CALCR: variants seen among roughly 807,000 people sequenced by gnomAD.
CALCR encodes the protein calcitonin receptor.
CALCR carries 47 observed loss-of-function variants against 59.5 expected under a neutral mutation model. That is an observed-to-expected ratio of 0.79 (90% CI 0.63 to 1.01). The LOEUF (loss-of-function observed/expected upper bound fraction) is 1.01. CALCR is among the 50% of genes least tolerant of loss of function. The pLI is 0.00. For synonymous variants in CALCR, 213 were observed against 211.3 expected (o/e 1.01, Z -0.07); for missense variants, 566 against 597.1 (o/e 0.95, Z 0.54).
chr7:93,492,613 A>T (rs1235485316), intron 2 of CALCR, among the ~76,000 whole-genome samples: 1 of 151,496 alleles, frequency 6.6e-6, no homozygotes, highest in Non-Finnish European at 1.5e-5. Context: ...GAGGCACTAC[A>T]TGAAATGTAA....
intron 3 of CALCR, 134 bp from the exon 4 acceptor site, chr7:93,479,641 GT>G (rs1017039510): frequency 9.6e-6 from 7 of 726,532 alleles, no homozygotes; most frequent in Non-Finnish European, 1.5e-5. Context: ...TCTATGTACA[GT>G]TTTTTTCATA....
intron 2 of CALCR, among the ~76,000 whole-genome samples, chr7:93,563,181 G>A (rs1388940296): frequency 1.3e-5 from 2 of 152,054 alleles, no homozygotes; most frequent in African/African-American, 4.8e-5. Flanking sequence ...TAGAACACAT[G>A]GAAAAGAGTT....
intron 2 of CALCR, among the ~76,000 whole-genome samples, chr7:93,506,691 A>G (rs1801432959): frequency 6.6e-6 from 1 of 151,182 alleles, no homozygotes; most frequent in Non-Finnish European, 1.5e-5. Flanking sequence ...GGGGCATAAG[A>G]CCAGCAGATT....
At chr7:93,524,767 G>C (rs1381498234) in intron 2 of CALCR, among the ~76,000 whole-genome samples, 1 of 152,068 alleles carries the variant, frequency 6.6e-6, no homozygotes, top group Non-Finnish European at 1.5e-5. Flanking sequence ...TTTGTCTCAA[G>C]TAGCTAATGA....
chr7:93,442,167 T>C (rs1799920360), intron 9 of CALCR, among the ~76,000 whole-genome samples: 1 of 152,144 alleles, frequency 6.6e-6, no homozygotes, highest in Non-Finnish European at 1.5e-5. Context: ...GCTTATCTGC[T>C]CCCAGGCTAC....
intron 2 of CALCR, among the ~76,000 whole-genome samples, chr7:93,535,495 T>C (rs1384690078): frequency 6.6e-6 from 1 of 151,758 alleles, no homozygotes; most frequent in African/African-American, 2.4e-5. Context: ...ACATTATGTA[T>C]GCTAAAGTCT....
intron 8 of CALCR, among the ~76,000 whole-genome samples, chr7:93,451,705 G>C (rs904507749): frequency 4.0e-5 from 6 of 151,862 alleles, no homozygotes; most frequent in African/African-American, 1.5e-4. Context: ...TTGTGGTGTG[G>C]GGCTTGAGAT....
chr7:93,568,518 TC>T, intron 2 of CALCR, among the ~76,000 whole-genome samples: 1 of 47,664 alleles, frequency 2.1e-5, no homozygotes, highest in African/African-American at 6.3e-5. Context: ...TTTCTCTCTC[TC>T]TCTCTCTCTC....
intron 2 of CALCR, among the ~76,000 whole-genome samples, chr7:93,536,015 T>C (rs1408142617): frequency 6.6e-6 from 1 of 151,874 alleles, no homozygotes. Flanking sequence ...TGTATTTATT[T>C]AATGTTATTA....
At chr7:93,483,501 A>T (rs1800852961) in intron 3 of CALCR, among the ~76,000 whole-genome samples, 1 of 123,562 alleles carries the variant, frequency 8.1e-6, no homozygotes, top group Non-Finnish European at 1.7e-5. Flanking sequence ...ATGTATATGT[A>T]TGATTTTATG....
chr7:93,528,413 G>A lies in CALCR; in HGVS notation c.-26-41406C>T, dbSNP rs555482583. ...ATTTACATTAGGTATATCCCCTAAT[G>A]CTATCCCTCCCCTCTTCCCCCAGCC... On this transcript the variant is annotated intron_variant, in intron 2 of 13. Transcript: ENST00000426151. 3.9e-5 allele frequency among the ~76,000 whole-genome samples: 6 copies of A among 152,246 alleles called. No individual in the cohort carries two copies. The East Asian group carries it at 9.7e-4, about 25-fold the overall frequency.
At chr7:93,473,063 C>T (rs926501916) in intron 5 of CALCR, among the ~76,000 whole-genome samples, 2 of 151,744 alleles carry the variant, frequency 1.3e-5, no homozygotes, top group Non-Finnish European at 2.9e-5. Flanking sequence ...TTCTGCCTCT[C>T]AAGAGATTTC....
chr7:93,573,849 C>T (rs919570268), intron 2 of CALCR, among the ~76,000 whole-genome samples: 1 of 152,342 alleles, frequency 6.6e-6, no homozygotes, highest in South Asian at 2.1e-4. Flanking sequence ...CCATTCACTA[C>T]TGTGCTCATT....
At chr7:93,470,278 C>CACAT (rs1161567702) in intron 6 of CALCR, among the ~76,000 whole-genome samples, 1 of 151,636 alleles carries the variant, frequency 6.6e-6, no homozygotes, top group Non-Finnish European at 1.5e-5. Context: ...CACACACACA[C>CACAT]ACACACTCAC....
intron 2 of CALCR, among the ~76,000 whole-genome samples, chr7:93,570,246 T>C (rs1789971054): frequency 6.6e-6 from 1 of 152,024 alleles, no homozygotes; most frequent in South Asian, 2.1e-4. Flanking sequence ...GGGGGAGAAA[T>C]TAAAGATTAG....
intron 9 of CALCR, among the ~76,000 whole-genome samples, chr7:93,439,950 T>C (rs1230411082): frequency 2.0e-5 from 3 of 152,172 alleles, no homozygotes; most frequent in African/African-American, 7.2e-5. Flanking sequence ...GAATAACTAC[T>C]GAAAGAACCA....
intron 8 of CALCR, among the ~76,000 whole-genome samples, chr7:93,445,074 G>A (rs1000258852): frequency 5.3e-5 from 8 of 152,064 alleles, no homozygotes; most frequent in African/African-American, 1.9e-4. Flanking sequence ...GGAGAAGGCA[G>A]ATATGGCATT....
intron 2 of CALCR, among the ~76,000 whole-genome samples, chr7:93,519,987 A>G (rs1298423673): frequency 1.3e-5 from 2 of 152,100 alleles, no homozygotes; most frequent in East Asian, 3.9e-4. Context: ...TTATAGCAGT[A>G]TGAAAATAAA....
In CALCR at chr7:93,479,370, G is replaced by A. The variant is rs774703544; in HGVS notation, c.189C>T (p.Pro63=). 1.7e-5 allele frequency: 28 copies of A among 1,609,584 alleles called. No individual in the cohort carries two copies. Among genetic ancestry groups the A allele is most frequent in the East Asian group, 4.5e-5 (2 of 44,724 alleles). The part of the protein sequence containing the change: ...YKCYDRMQQL[P]AYQGEGPYCN... ...TCTCTTTACCTTCTCCTTGGTATGCGGGTAACTGCTGCATTCGGTCATAGC... is the reference window on the plus strand; with the variant it reads ...TCTCTTTACCTTCTCCTTGGTATGCAGGTAACTGCTGCATTCGGTCATAGC... Residue 63 remains proline, a synonymous_variant, in exon 4 of 14, where the codon CCC becomes CCT. Transcript: ENST00000426151.
Sources: allele counts gnomAD v4.1 joint callset (sites outside exome capture counted in the v4.1 genomes callset), GRCh38; gene constraint gnomAD v4.1.1; transcripts MANE v1.5; gene names NCBI Gene and HGNC (gene_info 2026-07-23, HGNC 2026-07-21).